CHM: variants seen among roughly 807,000 people sequenced by gnomAD.
CHM encodes CHM Rab escort protein, also known as rab proteins geranylgeranyltransferase component A 1.
Under a neutral mutation model 49.0 loss-of-function variants are expected in CHM, and 10 were observed. The ratio of observed to expected loss-of-function variants is 0.20; its 90% CI spans 0.13 to 0.35. CHM has a LOEUF of 0.35. Ranked by LOEUF, CHM falls within the 10% of genes least tolerant of loss-of-function variation. The pLI, the probability that CHM is intolerant of heterozygous loss-of-function variation, is 1.00. For synonymous variants in CHM, 184 were observed against 167.5 expected, an observed-to-expected ratio of 1.10 and a Z score of -0.76; for missense variants, 455 against 478.4, an observed-to-expected ratio of 0.95 and a Z score of 0.46.
chrX:86,000,282 A>T (rs1932640016), intron 2 of CHM, among the ~76,000 whole-genome samples: 1 of 109,170 alleles, frequency 9.2e-6, no homozygotes, highest in Admixed American at 9.9e-5. Flanking sequence ...AAAAAAAAAA[A>T]AAAAAGTAAA....
intron 8 of CHM, among the ~76,000 whole-genome samples, chrX:85,936,425 A>G (rs1290596081): frequency 9.0e-6 from 1 of 111,729 alleles, no homozygotes; most frequent in Non-Finnish European, 1.9e-5. Flanking sequence ...GTAGGAGGTA[A>G]GACTAGATTA....
chrX:86,015,184 G>T (rs1050492548), intron 2 of CHM, among the ~76,000 whole-genome samples: 13 of 111,026 alleles, frequency 1.2e-4, no homozygotes, highest in Non-Finnish European at 2.5e-4. Flanking sequence ...CCGGTGGGAG[G>T]TAACTGAATC....
intron 2 of CHM, among the ~76,000 whole-genome samples, chrX:86,000,402 A>G: frequency 9.2e-6 from 1 of 109,253 alleles, no homozygotes; most frequent in Non-Finnish European, 1.9e-5. Context: ...GAGAAAAAGA[A>G]AAAGATCAGT....
intron 8 of CHM, among the ~76,000 whole-genome samples, chrX:85,923,830 A>C (rs913335190): frequency 1.8e-5 from 2 of 110,858 alleles, no homozygotes; most frequent in African/African-American, 6.6e-5. Flanking sequence ...CTGGTATCTG[A>C]GCTGAGACCT....
At chrX:85,920,471 A>C (rs1927727687) in intron 8 of CHM, among the ~76,000 whole-genome samples, 1 of 111,621 alleles carries the variant, frequency 9.0e-6, no homozygotes, top group Admixed American at 9.6e-5. Flanking sequence ...TCAAAACCCA[A>C]ATAGGAGGCA....
Position 85,961,292 on chromosome X carries a change from C to T in CHM, c.703-2315G>A, listed in dbSNP as rs777500480. Among the ~76,000 whole-genome samples the T allele has an allele frequency of 2.3e-4, 25 of 108,212 alleles. No homozygotes were observed. In the East Asian group the frequency reaches 3.5e-3, roughly 15 times the overall value. 94.0% of individuals were successfully genotyped at this position (108,212 alleles called of 115,157 possible). A position where few individuals can be genotyped will look rare whatever the true frequency, so the allele number is the denominator to read the frequency against. On this transcript the variant is annotated intron_variant, in intron 5 of 14. Transcript: ENST00000357749. ...AAAATTAGCCAGGCATAGTGGCACG[C>T]GCCTGTAGTCCTAGCTACTCAGGGG...
intron 4 of CHM, among the ~76,000 whole-genome samples, chrX:85,966,969 T>A (rs2147682013): frequency 8.9e-6 from 1 of 111,969 alleles, no homozygotes; most frequent in East Asian, 2.8e-4. Flanking sequence ...AAGAAATTAT[T>A]CTTCGGAAAT....
chrX:85,967,639 T>C (rs1461238075), intron 4 of CHM, among the ~76,000 whole-genome samples: 1 of 112,325 alleles, frequency 8.9e-6, no homozygotes, highest in Non-Finnish European at 1.9e-5. Context: ...CTTATAAAAA[T>C]GTTCACTATC....
At chrX:85,957,082 T>G (rs776941986) in intron 7 of CHM, among the ~76,000 whole-genome samples, 1 of 112,214 alleles carries the variant, frequency 8.9e-6, no homozygotes, top group African/African-American at 3.2e-5. Flanking sequence ...GATAACAACA[T>G]GACAGTACCT....
At chrX:86,045,663 A>G (rs1301752600) in intron 1 of CHM, among the ~76,000 whole-genome samples, 17 of 111,774 alleles carry the variant, frequency 1.5e-4, no homozygotes, top group Non-Finnish European at 3.2e-4. Context: ...AGACTCCATC[A>G]GGATGGATGT....
chrX:85,962,094 T>G (rs1930327148), intron 5 of CHM, among the ~76,000 whole-genome samples: 1 of 112,745 alleles, frequency 8.9e-6, no homozygotes, highest in Admixed American at 9.4e-5. Flanking sequence ...ATTTATATCA[T>G]CATTTATTTA....
At chrX:85,907,851 T>C (rs998611262) in intron 9 of CHM, among the ~76,000 whole-genome samples, 5 of 111,939 alleles carry the variant, frequency 4.5e-5, no homozygotes, top group African/African-American at 1.6e-4. Context: ...TTCAGTATAA[T>C]GGCTACTAGG....
intron 11 of CHM, among the ~76,000 whole-genome samples, chrX:85,895,314 T>G (rs1818439973): frequency 9.2e-6 from 1 of 108,214 alleles, no homozygotes; most frequent in African/African-American, 3.4e-5. Context: ...TTTTTTTTTT[T>G]TGTATTTTTT....
At chrX:85,899,698 AC>A (rs1467432772) in intron 11 of CHM, among the ~76,000 whole-genome samples, 5 of 79,488 alleles carry the variant, frequency 6.3e-5, no homozygotes, top group African/African-American at 2.4e-4. Context: ...CCCCAAAAAA[AC>A]CCCTAAAATC....
At chrX:85,888,802 A>G (rs757807125) in intron 12 of CHM, among the ~76,000 whole-genome samples, 1 of 112,488 alleles carries the variant, frequency 8.9e-6, no homozygotes, top group Non-Finnish European at 1.9e-5. Context: ...TCTACCAAGC[A>G]TCACTGAAAA....
intron 2 of CHM, among the ~76,000 whole-genome samples, chrX:86,012,804 G>T (rs1239735823): frequency 9.0e-6 from 1 of 110,936 alleles, no homozygotes. Context: ...GCAGGAGGCA[G>T]ACAAAGGCCT....
rs774186856 is a variant in CHM, at chrX:85,963,774, T to C, written c.593A>G (p.Glu198Gly). The C allele has an allele frequency of 1.6e-5, 19 of 1,210,291 alleles. No homozygotes were observed. The highest frequency in any genetic ancestry group is 2.0e-5 in the Non-Finnish European group (18 of 895,227). Residue 198 changes from glutamate (E) to glycine (G), a missense_variant, in exon 5 of 15, where the codon GAA (glutamate) becomes GGA (glycine). Glu to Gly is a moderately conservative substitution (Grantham distance 98). Coordinates refer to ENST00000357749, the MANE Select transcript of CHM (RefSeq NM_000390.4). ...VPSTSAEDMS[E>G]NVPIAEDTTE... ...GGTATCTTCTGCTATAGGCACATTT[T>C]CACTCATGTCTTCTGCTGAAGTTGA...
chrX:85,872,809 C>T (rs1924165047), intron 14 of CHM, among the ~76,000 whole-genome samples: 2 of 111,645 alleles, frequency 1.8e-5, no homozygotes, highest in Non-Finnish European at 3.8e-5. Flanking sequence ...GTCATTCCCA[C>T]GATGGAACTC....
At chrX:85,889,205 T>C (rs770965773) in intron 12 of CHM, among the ~76,000 whole-genome samples, 2 of 111,517 alleles carry the variant, frequency 1.8e-5, no homozygotes, top group South Asian at 3.8e-4. Context: ...AAAACAAAAA[T>C]TGACAAATGG....
Sources: allele counts gnomAD v4.1 joint callset (sites outside exome capture counted in the v4.1 genomes callset), GRCh38; gene constraint gnomAD v4.1.1; transcripts MANE v1.5; gene names NCBI Gene and HGNC (gene_info 2026-07-23, HGNC 2026-07-21).